Variants in SMYD3 observed in about 807,000 individuals in gnomAD.
SMYD3 encodes histone-lysine N-methyltransferase SMYD3.
Under a neutral mutation model 57.7 loss-of-function variants are expected in SMYD3, and 36 were observed. That is an observed-to-expected ratio of 0.62 (90% CI 0.48 to 0.82). The LOEUF (loss-of-function observed/expected upper bound fraction) is 0.82, where lower values mean the gene tolerates loss of function less well. Ranked by LOEUF, SMYD3 falls within the 40% of genes least tolerant of loss-of-function variation. The pLI, the probability that SMYD3 is intolerant of heterozygous loss-of-function variation, is 0.00. For synonymous variants in SMYD3, 211 were observed against 195.0 expected (o/e 1.08, Z -0.68); for missense variants, 515 against 538.8 (o/e 0.96, Z 0.44).
At position 245,977,049 on chromosome 1, in the gene SMYD3, G is replaced by GTCTCCA. The variant is rs1558551460; in HGVS notation, c.532-47113_532-47112insTGGAGA. Among the ~76,000 whole-genome samples the GTCTCCA allele has an allele frequency of 4.0e-4, 4 of 10,006 alleles. 1 individual carries two copies. Among genetic ancestry groups the GTCTCCA allele is most frequent in the Non-Finnish European group, 8.9e-4 (2 of 2,254 alleles). The allele number at this position is 10,006 out of a possible 152,430, so 6.6% of individuals were successfully genotyped here. Reference sequence around the variant, plus strand: ...TAGCCCAGGGAAAGCCATCGTCTCCGGCCCAGGGAAAGCCATCGTCTCTAG... The same window carrying GTCTCCA: ...TAGCCCAGGGAAAGCCATCGTCTCCGTCTCCAGCCCAGGGAAAGCCATCGTCTCTAG... On this transcript the variant is annotated intron_variant, in intron 5 of 11. Coordinates refer to ENST00000490107, the MANE Select transcript of SMYD3 (RefSeq NM_001167740.2).
chr1:246,079,910 A>T (rs1368579143), intron 5 of SMYD3, among the ~76,000 whole-genome samples: 1 of 152,216 alleles, frequency 6.6e-6, no homozygotes, highest in African/African-American at 2.4e-5. Flanking sequence ...ACGATAGAGC[A>T]GTTTAATGCC....
chr1:245,981,090 G>T (rs1010687638), intron 5 of SMYD3, among the ~76,000 whole-genome samples: 3 of 152,228 alleles, frequency 2.0e-5, no homozygotes, highest in Admixed American at 6.5e-5. Context: ...AATTAAGCTT[G>T]AAGAGGACAG....
chr1:246,415,521 A>T (rs2067048860), intron 1 of SMYD3, among the ~76,000 whole-genome samples: 1 of 152,228 alleles, frequency 6.6e-6, no homozygotes, highest in African/African-American at 2.4e-5. Context: ...TCATAAAGCT[A>T]GTTCATAGAA....
intron 5 of SMYD3, among the ~76,000 whole-genome samples, chr1:246,069,291 A>G (rs1572973703): frequency 6.6e-6 from 1 of 152,252 alleles, no homozygotes; most frequent in East Asian, 1.9e-4. Context: ...GAGAATCTGC[A>G]AAAGTTGTGA....
intron 5 of SMYD3, among the ~76,000 whole-genome samples, chr1:246,226,556 T>C (rs2063333270): frequency 6.6e-6 from 1 of 152,208 alleles, no homozygotes; most frequent in Admixed American, 6.5e-5. Flanking sequence ...CTAAAACTTC[T>C]TCACTCGAGT....
At chr1:245,839,391 G>C (rs28635712) in intron 10 of SMYD3, among the ~76,000 whole-genome samples, 5,906 of 151,692 alleles carry the variant, frequency 0.039, 212 homozygotes, top group East Asian at 0.14. Flanking sequence ...GGATGGTCTC[G>C]ATCTCCTGAC....
intron 10 of SMYD3, among the ~76,000 whole-genome samples, chr1:245,854,868 A>G (rs1476073583): frequency 2.6e-5 from 4 of 152,216 alleles, no homozygotes; most frequent in Non-Finnish European, 5.9e-5. Context: ...GCTTTAAAAA[A>G]ACATTCTGTG....
Position 246,124,929 on chromosome 1 carries a change from G to A in SMYD3, c.532-194992C>T, listed in dbSNP as rs573736519. ...CTAAAAATACAAAAAAAAATTAGCCGGGCGTGGTGGCGGGCGCCTGTAGTC... is the reference window on the plus strand; with the variant it reads ...CTAAAAATACAAAAAAAAATTAGCCAGGCGTGGTGGCGGGCGCCTGTAGTC... On this transcript the variant is annotated intron_variant, in intron 5 of 11. Coordinates refer to ENST00000490107, the MANE Select transcript of SMYD3 (RefSeq NM_001167740.2). Among the ~76,000 whole-genome samples the A allele has an allele frequency of 5.9e-5, 9 of 152,110 alleles. No homozygotes were observed. In the East Asian group the frequency reaches 7.7e-4, roughly 13 times the overall value.
At chr1:246,166,757 C>T (rs1388506187) in intron 5 of SMYD3, among the ~76,000 whole-genome samples, 1 of 152,122 alleles carries the variant, frequency 6.6e-6, no homozygotes, top group Non-Finnish European at 1.5e-5. Flanking sequence ...GAGCTAGGGG[C>T]CGCGGGATAA....
chr1:245,957,516 T>C (rs2057881592), intron 5 of SMYD3, among the ~76,000 whole-genome samples: 1 of 152,248 alleles, frequency 6.6e-6, no homozygotes. Context: ...ACTTGAGCTA[T>C]CATTTCACTA....
intron 1 of SMYD3, among the ~76,000 whole-genome samples, chr1:246,425,427 T>C (rs948086655): frequency 5.9e-5 from 9 of 152,134 alleles, no homozygotes; most frequent in Admixed American, 2.6e-4. Flanking sequence ...GGAACGCCAC[T>C]GTAACATAAG....
chr1:246,322,503 A>G (rs1015018499), intron 5 of SMYD3: 2 of 152,154 alleles, frequency 1.3e-5, no homozygotes, highest in Non-Finnish European at 2.9e-5. Flanking sequence ...TCTCTAAACA[A>G]TGTGAAAAAG....
intron 5 of SMYD3, among the ~76,000 whole-genome samples, chr1:245,935,369 C>T (rs2056940170): frequency 6.6e-6 from 1 of 152,156 alleles, no homozygotes; most frequent in Non-Finnish European, 1.5e-5. Flanking sequence ...TGAGGTATCA[C>T]CTCATGCCTG....
At chr1:246,206,976 A>C (rs2063010246) in intron 5 of SMYD3, among the ~76,000 whole-genome samples, 1 of 152,176 alleles carries the variant, frequency 6.6e-6, no homozygotes, top group Admixed American at 6.5e-5. Flanking sequence ...TGGCAGACTC[A>C]GAAGCTTCTG....
intron 5 of SMYD3, chr1:246,321,513 G>A (rs1558399759): frequency 6.6e-6 from 1 of 152,064 alleles, no homozygotes; most frequent in Non-Finnish European, 1.5e-5. Context: ...CTCTCTAACT[G>A]TAATTTTTGT....
At chr1:245,887,511 G>T (rs551243842) in intron 8 of SMYD3, among the ~76,000 whole-genome samples, 1 of 152,126 alleles carries the variant, frequency 6.6e-6, no homozygotes, top group Non-Finnish European at 1.5e-5. Flanking sequence ...TGAGATCCAA[G>T]AACCTTCTCT....
intron 7 of SMYD3, among the ~76,000 whole-genome samples, chr1:245,917,804 G>C (rs999758145): frequency 6.6e-6 from 1 of 152,198 alleles, no homozygotes; most frequent in Non-Finnish European, 1.5e-5. Context: ...GGGGGGAGAA[G>C]TGAAGACTTT....
intron 7 of SMYD3, among the ~76,000 whole-genome samples, chr1:245,920,890 A>G (rs2055876296): frequency 6.6e-6 from 1 of 152,236 alleles, no homozygotes; most frequent in Non-Finnish European, 1.5e-5. Flanking sequence ...CGGAAAGAAC[A>G]TATGACTAAG....
At chr1:245,914,677 C>T (rs555744892) in intron 8 of SMYD3, among the ~76,000 whole-genome samples, 2 of 152,260 alleles carry the variant, frequency 1.3e-5, no homozygotes, top group Admixed American at 6.5e-5. Flanking sequence ...TGCTCATCTG[C>T]AGCACTGTAG....
Sources: gnomAD v4.1 joint callset for allele counts (sites outside exome capture counted in the v4.1 genomes callset) on GRCh38, gnomAD v4.1.1 for gene constraint, MANE v1.5 for transcripts, NCBI Gene and HGNC (gene_info 2026-07-23, HGNC 2026-07-21) for gene names.